TACR1: variants seen among roughly 807,000 people sequenced by gnomAD.
TACR1 encodes the protein substance-P receptor.
A neutral mutation model predicts 35.8 loss-of-function variants in TACR1; 25 were observed. The observed-to-expected ratio is 0.70, with a 90% CI of 0.51 to 0.98. The LOEUF is 0.98. TACR1 is among the 50% of genes least tolerant of loss of function. The pLI is 0.00. For synonymous variants in TACR1, 195 were observed against 206.7 expected (o/e 0.94, Z 0.48); for missense variants, 478 against 522.9 (o/e 0.91, Z 0.84).
intron 2 of TACR1, among the ~76,000 whole-genome samples, chr2:75,068,397 A>G (rs895830273): frequency 2.1e-4 from 32 of 152,204 alleles, no homozygotes; most frequent in African/African-American, 7.5e-4. Flanking sequence ...TCACAGCAAC[A>G]TATGGACTAG....
At chr2:75,165,378 C>T (rs1302228880) in intron 1 of TACR1, among the ~76,000 whole-genome samples, 3 of 152,000 alleles carry the variant, frequency 2.0e-5, no homozygotes, top group African/African-American at 4.8e-5. Context: ...GGCGCGATCT[C>T]GGCTCACTGC....
At chr2:75,149,326 T>C (rs369526263) in intron 1 of TACR1, among the ~76,000 whole-genome samples, 1 of 152,252 alleles carries the variant, frequency 6.6e-6, no homozygotes, top group Admixed American at 6.5e-5. Context: ...ATAAATTACT[T>C]TGGGCAGTAT....
chr2:75,049,689 A>T lies in TACR1; in HGVS notation c.967T>A (p.Cys323Ser), dbSNP rs1672431310. 2 of 1,614,072 alleles carry T rather than the reference A, an allele frequency of 1.2e-6. No homozygotes were observed. Among genetic ancestry groups the T allele is most frequent in the Non-Finnish European group, 1.7e-6 (2 of 1,179,960 alleles). Residue 323 changes from cysteine (C) to serine (S), a missense_variant, in exon 5 of 5, where the codon TGC becomes AGC. Coordinates refer to ENST00000305249, the MANE Select transcript of TACR1 (RefSeq NM_001058.4). ...TAGTCGCCGGCGCTGATGAAGGGGCAGCACCGGAAGGCATGCTTGAAGCCC... is the reference window on the plus strand; with the variant it reads ...TAGTCGCCGGCGCTGATGAAGGGGCTGCACCGGAAGGCATGCTTGAAGCCC... ...RLGFKHAFRC[C>S]PFISAGDYEG... is the part of the protein sequence containing the mutation.
intron 1 of TACR1, among the ~76,000 whole-genome samples, chr2:75,166,497 G>A (rs1319797995): frequency 2.0e-5 from 3 of 152,148 alleles, no homozygotes; most frequent in East Asian, 1.9e-4. Flanking sequence ...AAACTTAGTC[G>A]TTGGCCAATC....
chr2:75,057,754 G>T (rs1056130025), intron 2 of TACR1, among the ~76,000 whole-genome samples: 5 of 152,172 alleles, frequency 3.3e-5, no homozygotes, highest in African/African-American at 1.2e-4. Flanking sequence ...TTAAGGGTGG[G>T]TGGGTAGAAA....
chr2:75,144,914 G>C (rs1217545939), intron 1 of TACR1, among the ~76,000 whole-genome samples: 1 of 152,098 alleles, frequency 6.6e-6, no homozygotes, highest in Non-Finnish European at 1.5e-5. Context: ...AAAAGATAGA[G>C]ATGAATATAA....
intron 1 of TACR1, among the ~76,000 whole-genome samples, chr2:75,163,883 C>T (rs192459582): frequency 6.6e-6 from 1 of 151,848 alleles, no homozygotes; most frequent in Non-Finnish European, 1.5e-5. Flanking sequence ...TGTTAGTTAA[C>T]CAGTCTATAT....
intron 1 of TACR1, among the ~76,000 whole-genome samples, chr2:75,171,313 A>G (rs776779913): frequency 1.3e-5 from 2 of 152,228 alleles, no homozygotes; most frequent in Non-Finnish European, 2.9e-5. Flanking sequence ...TGGGTGCACA[A>G]AAGTCAAGAA....
chr2:75,157,237 C>G (rs566319496), intron 1 of TACR1, among the ~76,000 whole-genome samples: 1 of 152,134 alleles, frequency 6.6e-6, no homozygotes, highest in East Asian at 1.9e-4. Context: ...AAAGCTAGAC[C>G]CTTCTCCTCC....
rs560630492 is a variant in TACR1 at position 75,056,990 on chromosome 2, G to T, written c.585-3235C>A. The stretch of plus-strand genomic sequence containing the variant: ...TCTGCACACAACATCATTCACGACA[G>T]CTAAAAGGTGGAAACAACCCAAATG... On this transcript the variant is annotated intron_variant, in intron 2 of 4. Transcript: ENST00000305249. Among the ~76,000 whole-genome samples, 4 of 152,296 alleles carry T rather than the reference G, an allele frequency of 2.6e-5. No individual in the cohort carries two copies. The South Asian group carries it at 8.3e-4, about 32-fold the overall frequency.
At chr2:75,176,178 A>G (rs1675414213) in intron 1 of TACR1, among the ~76,000 whole-genome samples, 1 of 152,142 alleles carries the variant, frequency 6.6e-6, no homozygotes, top group African/African-American at 2.4e-5. Flanking sequence ...ATTGAAAAGC[A>G]GAGTATTTTA....
Position 75,154,401 on chromosome 2 carries a change from A to AGCGCGCTCGCGTGCGCGCGCGCGCGCGC in TACR1, c.390-33634_390-33633insGCGCGCGCGCGCGCGCACGCGAGCGCGC, listed in dbSNP as rs142809732. The AGCGCGCTCGCGTGCGCGCGCGCGCGCGC allele has an allele frequency of 2.6e-4, 20 of 76,500 alleles. 3 individuals are homozygous for AGCGCGCTCGCGTGCGCGCGCGCGCGCGC. Among genetic ancestry groups the AGCGCGCTCGCGTGCGCGCGCGCGCGCGC allele is most frequent in the African/African-American group, 1.0e-3 (18 of 17,320 alleles). The allele number at this position is 76,500 out of a possible 1,614,324, so 4.7% of individuals were successfully genotyped here. A position where few individuals can be genotyped will look rare whatever the true frequency, so the allele number is the denominator to read the frequency against. On this transcript the variant is annotated intron_variant, in intron 1 of 4. Transcript: ENST00000305249. Reference sequence around the variant, plus strand: ...TGGCCCAGGGAGATAATCAGCCAAGAGCGCGCACGCACACACACACACACA... The same window carrying AGCGCGCTCGCGTGCGCGCGCGCGCGCGC: ...TGGCCCAGGGAGATAATCAGCCAAGAGCGCGCTCGCGTGCGCGCGCGCGCGCGCGCGCGCACGCACACACACACACACA...
At chr2:75,077,073 C>A (rs553731921) in intron 2 of TACR1, among the ~76,000 whole-genome samples, 2 of 152,110 alleles carry the variant, frequency 1.3e-5, no homozygotes, top group Non-Finnish European at 1.5e-5. Context: ...TGGGTTCAAG[C>A]GAATCTCCTG....
At chr2:75,050,935 C>A (rs1672451271) in intron 4 of TACR1, 1 of 382,654 alleles carries the variant, frequency 2.6e-6, no homozygotes, top group Non-Finnish European at 4.9e-6. Context: ...TGCAGACCTG[C>A]CTTACATGCA....
At chr2:75,065,472 G>T (rs554028833) in intron 2 of TACR1, among the ~76,000 whole-genome samples, 1 of 152,154 alleles carries the variant, frequency 6.6e-6, no homozygotes, top group African/African-American at 2.4e-5. Context: ...CTCTAGATGG[G>T]TCTTAATTCT....
At chr2:75,135,497 G>A (rs753340128) in intron 1 of TACR1, among the ~76,000 whole-genome samples, 7 of 152,186 alleles carry the variant, frequency 4.6e-5, no homozygotes, top group Non-Finnish European at 7.4e-5. Flanking sequence ...CTACTGGCTG[G>A]ATCCAGTGTC....
chr2:75,196,597 A>G (rs1238174174), intron 1 of TACR1, among the ~76,000 whole-genome samples: 1 of 152,150 alleles, frequency 6.6e-6, no homozygotes, highest in Non-Finnish European at 1.5e-5. Flanking sequence ...AGAGAAAAAC[A>G]ACAACGGAGC....
At chr2:75,178,513 A>G (rs1341780670) in intron 1 of TACR1, among the ~76,000 whole-genome samples, 1 of 151,158 alleles carries the variant, frequency 6.6e-6, no homozygotes, top group South Asian at 2.2e-4. Flanking sequence ...CTATTCAAAC[A>G]TGCTACAATA....
chr2:75,063,316 AT>A (rs1413865885), intron 2 of TACR1, among the ~76,000 whole-genome samples: 1 of 152,162 alleles, frequency 6.6e-6, no homozygotes, highest in Non-Finnish European at 1.5e-5. Flanking sequence ...GGGTGGTCAT[AT>A]TGTCTTTCCT....
Sources: gnomAD v4.1 joint callset for allele counts (sites outside exome capture counted in the v4.1 genomes callset) on GRCh38, gnomAD v4.1.1 for gene constraint, MANE v1.5 for transcripts, NCBI Gene and HGNC (gene_info 2026-07-23, HGNC 2026-07-21) for gene names.